ALG3: variants seen among roughly 807,000 people sequenced by gnomAD.
The protein encoded by ALG3 is dol-P-Man:Man(5)GlcNAc(2)-PP-Dol alpha-1,3-mannosyltransferase.
A neutral mutation model predicts 50.5 loss-of-function variants in ALG3; 39 were observed. The observed-to-expected ratio is 0.77, with a 90% CI of 0.60 to 1.01. The LOEUF (loss-of-function observed/expected upper bound fraction) is 1.01. ALG3 is among the 50% of genes least tolerant of loss of function. The pLI is 0.00. For synonymous variants in ALG3, 252 were observed against 237.2 expected, an observed-to-expected ratio of 1.06 and a Z score of -0.58; for missense variants, 520 against 554.8, an observed-to-expected ratio of 0.94 and a Z score of 0.63.
upstream of ALG3, chr3:184,249,108 A>G: frequency 6.8e-7 from 1 of 1,471,012 alleles, no homozygotes; most frequent in African/African-American, 1.4e-5. Flanking sequence ...GTCTCCTCTG[A>G]TGCACTCCAC....
upstream of ALG3, chr3:184,249,149 C>T (rs186463657): frequency 2.4e-3 from 3,695 of 1,553,592 alleles, 4 homozygotes; most frequent in Non-Finnish European, 3.0e-3. Flanking sequence ...ATGTCTTACT[C>T]CTCAGTTTAT....
In ALG3 at chr3:184,245,501, C is replaced by T. The variant is rs1157530895; in HGVS notation, c.411G>A (p.Leu137=). 1 of 1,613,894 alleles carries T rather than the reference C, an allele frequency of 6.2e-7. No individual in the cohort carries two copies. The highest frequency in any genetic ancestry group is 1.3e-5 in the African/African-American group (1 of 74,934). The change falls in exon 3 of 9, where the codon CTG becomes CTA. Residue 137 remains leucine (L), a synonymous_variant. Transcript: ENST00000397676. The stretch of plus-strand genomic sequence containing the variant: ...TCTGGTGATAGATCAAGAAGACAAG[C>T]AGCAAGGTAGCCAGGTAGAGCACAG... ...IFAVLYLATL[L]LVFLIYHQTC...
rs199587005 is a variant in ALG3 at position 184,248,925 on chromosome 3, G to C, written c.16C>G (p.Arg6Gly). Residue 6 changes from arginine to glycine, a missense_variant, in exon 1 of 9, where the codon CGG (arginine) becomes GGG (glycine). Around this residue, in one of 3 missense-constraint regions of ALG3, gnomAD observed 290 missense variants for 265.9 expected, o/e 1.09. Transcript: ENST00000397676. ...GCGGAACCGGACCGGCCGCGTTTCC[G>C]CAGCCCAGCCGCCATCTTAACGGTG... MAAGL[R>G]KRGRSGSAAQ... 3 of 1,585,334 alleles carry C rather than the reference G, an allele frequency of 1.9e-6. No individual in the cohort carries two copies. The highest frequency in any genetic ancestry group is 2.6e-6 in the Non-Finnish European group (3 of 1,167,056).
Position 184,248,917 on chromosome 3 carries a change from G to C in ALG3, c.24C>G (p.Arg8=), listed in dbSNP as rs746428888. The C allele has an allele frequency of 6.3e-7, 1 of 1,589,950 alleles. No individual in the cohort carries two copies. The highest frequency in any genetic ancestry group is 1.3e-5 in the African/African-American group (1 of 74,672). Residue 8 remains arginine (R), a synonymous_variant, in exon 1 of 9, where the codon CGC becomes CGG. Transcript: ENST00000397676. MAAGLRK[R]GRSGSAAQAE... The stretch of plus-strand genomic sequence containing the variant: ...CCTGGGCCGCGGAACCGGACCGGCC[G>C]CGTTTCCGCAGCCCAGCCGCCATCT...
At chr3:184,243,756 C>G in intron 6 of ALG3, 35 bp downstream of exon 6, 1 of 1,599,644 alleles carries the variant, frequency 6.3e-7, no homozygotes, top group Non-Finnish European at 8.5e-7. Context: ...ACTCCTTCCC[C>G]CAACTCTGCC....
rs1719033465 is a variant in ALG3 at position 184,244,696 on chromosome 3, C to T, written c.631G>A (p.Val211Met). ...AGTAACCCAGGGGCGAAGAGCAGCA[C>T]ATTCATCTTCACAGAGACTGCCAGG... ...FSLAVSVKMN[V>M]LLFAPGLLFL... The change falls in exon 5 of 9, where the codon GTG becomes ATG. Residue 211 changes from valine to methionine, a missense_variant. Val to Met is a conservative substitution (Grantham distance 21). Transcript: ENST00000397676. 2 of 1,610,090 alleles carry T rather than the reference C, an allele frequency of 1.2e-6. No homozygotes were observed. The highest frequency in any genetic ancestry group is 2.2e-5 in the East Asian group (1 of 44,774).
chr3:184,246,489 G>A (rs1337357745), intron 1 of ALG3, among the ~76,000 whole-genome samples: 1 of 152,198 alleles, frequency 6.6e-6, no homozygotes, highest in Admixed American at 6.5e-5. Flanking sequence ...CTAGGATGGT[G>A]GAGTTGGGAT....
intron 1 of ALG3, among the ~76,000 whole-genome samples, chr3:184,246,017 T>C (rs1719127496): frequency 6.6e-6 from 1 of 152,188 alleles, no homozygotes; most frequent in African/African-American, 2.4e-5. Flanking sequence ...GTGATCTTTC[T>C]TCCCATTCCA....
intron 5 of ALG3, chr3:184,244,372 C>A: frequency 1.8e-6 from 1 of 568,556 alleles, no homozygotes; most frequent in Non-Finnish European, 3.0e-6. Context: ...AGCAAGAGCC[C>A]ATCTCAAAAC....
In ALG3 at chr3:184,242,847, C is replaced by T. The variant is rs751468975; in HGVS notation, c.1120G>A (p.Ala374Thr). 9 of 1,613,764 alleles carry T rather than the reference C, an allele frequency of 5.6e-6. No individual in the cohort carries two copies. The African/African-American group carries it at 1.1e-4, about 19-fold the overall frequency. ...TGTGTGAGCCAGCGTGCAGGCATGG[C>T]CCACAGGAGGTAGGGCAGTGTGTGG... ...YFHTLPYLLW[A>T]MPARWLTHLL... Residue 374 changes from alanine to threonine, a missense_variant, in exon 8 of 9, where the codon GCC becomes ACC. By Grantham distance (58) the Ala-to-Thr change is moderately conservative (BLOSUM62 0). Transcript: ENST00000397676.
At chr3:184,244,354 G>A (rs989418729) in intron 5 of ALG3, 8 of 550,504 alleles carry the variant, frequency 1.5e-5, no homozygotes, top group Admixed American at 6.7e-5. Context: ...GACCAGCCTG[G>A]GCAACCCAGC....
chr3:184,245,378 A>G lies in ALG3; in HGVS notation c.445-20T>C, dbSNP rs1406802187. On this transcript the variant is annotated intron_variant, in intron 3 of 8. Coordinates refer to ENST00000397676, the MANE Select transcript of ALG3 (RefSeq NM_005787.6). ...AGGTACCTAAAGGGAAAACACAGTA[A>G]GGTACAAGGTCAGCTCAGCAAGCCT... 4 of 1,612,968 alleles carry G rather than the reference A, an allele frequency of 2.5e-6. No homozygotes were observed. In the Admixed American group the frequency reaches 6.7e-5, roughly 27 times the overall value.
chr3:184,243,927 G>A lies in ALG3; in HGVS notation c.796C>T (p.Arg266Cys), dbSNP rs747953768. 6 of 1,613,922 alleles carry A rather than the reference G, an allele frequency of 3.7e-6. No homozygotes were observed. The highest frequency in any genetic ancestry group is 1.3e-5 in the African/African-American group (1 of 75,066). Residue 266 changes from arginine (R) to cysteine (C), a missense_variant, in exon 6 of 9, where the codon CGC becomes TGC. Physicochemically the swap from Arg to Cys is radical, Grantham distance 180. Transcript: ENST00000397676. Reference sequence around the variant, plus strand: ...ACTGTCCAGTGGAACAGAAACTGGCGGCCAAGGTCAAAGGAGCGGGACAGG... The same window carrying A: ...ACTGTCCAGTGGAACAGAAACTGGCAGCCAAGGTCAAAGGAGCGGGACAGG... ...GYLSRSFDLG[R>C]QFLFHWTVNW...
intron 4 of ALG3, 92 bp from the exon 5 acceptor site, chr3:184,244,813 A>C (rs1577103860): frequency 6.7e-7 from 1 of 1,490,586 alleles, no homozygotes; most frequent in Non-Finnish European, 9.0e-7. Flanking sequence ...CACCACAGCA[A>C]CCTCCCCCCC....
At chr3:184,243,136 G>A in intron 7 of ALG3, 179 bp from the exon 8 acceptor site, 3 of 829,614 alleles carry the variant, frequency 3.6e-6, no homozygotes, top group Non-Finnish European at 5.6e-6. Context: ...AATATGGAGA[G>A]AGTAATACCT....
rs370373115 is a variant in ALG3, at chr3:184,242,953, G to A, written c.1014C>T (p.Ile338=). ...VPPQPLTPNQ[I]VSTLFTSNFI... ...AGTTGGAGGTGAAGAGGGTAGAAAC[G>A]ATCTGTATGCGGTGGTCAAGGCCAA... Residue 338 remains isoleucine (I), a synonymous_variant, in exon 8 of 9, where the codon ATC becomes ATT. Transcript: ENST00000397676. 8 of 1,613,190 alleles carry A rather than the reference G, an allele frequency of 5.0e-6. No individual in the cohort carries two copies. Among genetic ancestry groups the A allele is most frequent in the South Asian group, 2.2e-5 (2 of 91,018 alleles).
At chr3:184,247,778 A>G (rs1719241140) in intron 1 of ALG3, among the ~76,000 whole-genome samples, 1 of 151,846 alleles carries the variant, frequency 6.6e-6, no homozygotes, top group African/African-American at 2.4e-5. Context: ...TGTTACTACT[A>G]CCATGATTAT....
In ALG3 at chr3:184,243,647, C is replaced by T; in HGVS notation, c.933-17G>A. 6.2e-7 allele frequency: 1 copy of T among 1,613,662 alleles called. No homozygotes were observed. The highest frequency in any genetic ancestry group is 8.5e-7 in the Non-Finnish European group (1 of 1,179,726). On this transcript the variant is annotated splice_polypyrimidine_tract_variant and intron_variant, in intron 6 of 8. Coordinates refer to ENST00000397676, the MANE Select transcript of ALG3 (RefSeq NM_005787.6). Reference sequence around the variant, plus strand: ...TCCCCTGTCCTGGAGAAAAGCCATTCAGACAGTTATCAAGCCCCTTTTGTG... The same window carrying T: ...TCCCCTGTCCTGGAGAAAAGCCATTTAGACAGTTATCAAGCCCCTTTTGTG...
chr3:184,247,028 C>G (rs998378038), intron 1 of ALG3, among the ~76,000 whole-genome samples: 3 of 152,120 alleles, frequency 2.0e-5, no homozygotes, highest in Admixed American at 2.0e-4. Flanking sequence ...TCTCAGCCTC[C>G]CAAGTAGCTG....
Sources: allele counts gnomAD v4.1 joint callset (sites outside exome capture counted in the v4.1 genomes callset), GRCh38; gene constraint gnomAD v4.1.1; regional missense constraint gnomAD v4.1.1; transcripts MANE v1.5; gene names NCBI Gene and HGNC (gene_info 2026-07-23, HGNC 2026-07-21).